Variants in ERC2 observed in about 807,000 individuals in gnomAD.
ERC2 encodes ELKS/RAB6-interacting/CAST family member 2, also known as ERC protein 2.
A neutral mutation model predicts 114.8 loss-of-function variants in ERC2; 42 were observed. The ratio of observed to expected loss-of-function variants is 0.37; its 90% CI spans 0.29 to 0.47. ERC2 has a LOEUF of 0.47. Among genes scored for constraint, ERC2 ranks in the 20% least tolerant of loss-of-function variants. The pLI is 0.99. For missense variants in ERC2, 939 were observed against 1,150.7 expected (o/e 0.82, Z 2.66); for synonymous variants, 454 against 425.5 (o/e 1.07, Z -0.82).
At chr3:55,848,765 C>A (rs2061463341) in intron 14 of ERC2, among the ~76,000 whole-genome samples, 1 of 152,182 alleles carries the variant, frequency 6.6e-6, no homozygotes, top group Non-Finnish European at 1.5e-5. Context: ...AGATTCAGAT[C>A]AAACTGAATC....
intron 1 of ERC2, among the ~76,000 whole-genome samples, chr3:56,460,602 G>A (rs1217800294): frequency 6.6e-6 from 1 of 152,110 alleles, no homozygotes; most frequent in African/African-American, 2.4e-5. Flanking sequence ...CTCAATAAAT[G>A]GTGCTCTTCA....
At chr3:56,436,757 T>C (rs1373801904) in intron 1 of ERC2, among the ~76,000 whole-genome samples, 1 of 152,218 alleles carries the variant, frequency 6.6e-6, no homozygotes, top group East Asian at 1.9e-4. Context: ...CTGGGAAAGA[T>C]AAGCTCTTCT....
At chr3:55,580,982 G>A (rs554258745) in intron 17 of ERC2, among the ~76,000 whole-genome samples, 1 of 152,262 alleles carries the variant, frequency 6.6e-6, no homozygotes, top group South Asian at 2.1e-4. Flanking sequence ...GTGAGGGAGT[G>A]AGCCAAGTAG....
intron 2 of ERC2, among the ~76,000 whole-genome samples, chr3:56,415,810 C>T (rs2061128856): frequency 6.6e-6 from 1 of 152,198 alleles, no homozygotes; most frequent in Non-Finnish European, 1.5e-5. Context: ...CAAATCACCC[C>T]ATCAGCAGCG....
At chr3:56,333,142 C>G (rs114737220) in intron 2 of ERC2, among the ~76,000 whole-genome samples, 20 of 152,200 alleles carry the variant, frequency 1.3e-4, no homozygotes, top group African/African-American at 4.8e-4. Flanking sequence ...AGAGACGGTC[C>G]ATTAATGTCT....
intron 8 of ERC2, among the ~76,000 whole-genome samples, chr3:56,014,653 G>C (rs1560025400): frequency 6.6e-6 from 1 of 151,692 alleles, no homozygotes; most frequent in Non-Finnish European, 1.5e-5. Flanking sequence ...ATTACTTTGG[G>C]ATTTAAGCTA....
At chr3:55,782,462 C>T (rs1024053340) in intron 14 of ERC2, among the ~76,000 whole-genome samples, 1 of 152,190 alleles carries the variant, frequency 6.6e-6, no homozygotes, top group Non-Finnish European at 1.5e-5. Context: ...CAGTACCCGT[C>T]TCTCCATTTC....
rs138006013 is a variant in ERC2, at chr3:55,712,727, T to G, written c.2713-13215A>C. The stretch of plus-strand genomic sequence containing the variant: ...CTCCCTGCCTCCTACACTCATATTT[T>G]GAGCTTTGTACCTGCAGTTGTACCC... On this transcript the variant is annotated intron_variant, in intron 15 of 17. Coordinates refer to ENST00000288221, the MANE Select transcript of ERC2 (RefSeq NM_015576.3). 4.1e-4 allele frequency among the ~76,000 whole-genome samples: 62 copies of G among 152,302 alleles called. 1 individual carries two copies. Among genetic ancestry groups the G allele is most frequent in the Admixed American group, 1.9e-3 (29 of 15,304 alleles).
rs1025890710 is a variant in ERC2, at chr3:56,024,348, G to A, written c.1642-5317C>T. Reference sequence around the variant, plus strand: ...TCTGTCCCACTCGTTCTCTTTGGCCGCAGCACCCAACTGTGTTGGCAATAC... The same window carrying A: ...TCTGTCCCACTCGTTCTCTTTGGCCACAGCACCCAACTGTGTTGGCAATAC... On this transcript the variant is annotated intron_variant, in intron 7 of 17. Transcript: ENST00000288221. Among the ~76,000 whole-genome samples the A allele has an allele frequency of 2.6e-5, 4 of 152,156 alleles. No individual in the cohort carries two copies. In the East Asian group the frequency reaches 5.8e-4, roughly 22 times the overall value.
chr3:55,892,013 A>T (rs541403640), intron 13 of ERC2, among the ~76,000 whole-genome samples: 1 of 152,272 alleles, frequency 6.6e-6, no homozygotes, highest in African/African-American at 2.4e-5. Flanking sequence ...CCATGGCATT[A>T]TTACGGTGTG....
At chr3:55,719,229 A>G (rs2064304711) in intron 15 of ERC2, among the ~76,000 whole-genome samples, 1 of 152,166 alleles carries the variant, frequency 6.6e-6, no homozygotes, top group Non-Finnish European at 1.5e-5. Flanking sequence ...GGATACAGAG[A>G]GCAGTCATGC....
intron 17 of ERC2, among the ~76,000 whole-genome samples, chr3:55,600,804 C>T (rs1216405044): frequency 6.6e-6 from 1 of 152,208 alleles, no homozygotes; most frequent in Admixed American, 6.5e-5. Context: ...CTGCGCCTCA[C>T]CTAGAGCCAT....
intron 2 of ERC2, among the ~76,000 whole-genome samples, chr3:56,362,746 G>C (rs2059006238): frequency 6.6e-6 from 1 of 152,204 alleles, no homozygotes; most frequent in Non-Finnish European, 1.5e-5. Context: ...AGAAATGACA[G>C]TGGGCTCTTC....
intron 6 of ERC2, among the ~76,000 whole-genome samples, chr3:56,135,355 T>G (rs1281369044): frequency 2.0e-5 from 3 of 152,174 alleles, no homozygotes; most frequent in East Asian, 1.9e-4. Context: ...GTGACTCAAT[T>G]GAAGTATAGA....
At chr3:55,992,997 C>T (rs1441171834) in intron 10 of ERC2, among the ~76,000 whole-genome samples, 2 of 152,122 alleles carry the variant, frequency 1.3e-5, no homozygotes, top group Non-Finnish European at 2.9e-5. Flanking sequence ...ACAGCAACAA[C>T]ATTGCAGAAT....
chr3:55,811,609 A>ATG (rs2059723766), intron 14 of ERC2, among the ~76,000 whole-genome samples: 1 of 152,166 alleles, frequency 6.6e-6, no homozygotes, highest in Non-Finnish European at 1.5e-5. Flanking sequence ...GCCTTTGCCT[A>ATG]TGTGGTTCCC....
intron 12 of ERC2, among the ~76,000 whole-genome samples, chr3:55,973,509 A>G (rs1338952264): frequency 1.3e-5 from 2 of 152,218 alleles, no homozygotes; most frequent in African/African-American, 4.8e-5. Context: ...AATTGTTTTT[A>G]TGATGCCATG....
At chr3:56,265,306 T>C (rs1457600656) in intron 3 of ERC2, among the ~76,000 whole-genome samples, 1 of 152,068 alleles carries the variant, frequency 6.6e-6, no homozygotes, top group African/African-American at 2.4e-5. Flanking sequence ...TCCAAGCATA[T>C]ATGGTCAACT....
At chr3:56,462,879 T>C (rs1359416431) in intron 1 of ERC2, among the ~76,000 whole-genome samples, 3 of 152,172 alleles carry the variant, frequency 2.0e-5, no homozygotes, top group African/African-American at 4.8e-5. Context: ...GTACTATGAA[T>C]GAACGATGTC....
Sources: allele counts gnomAD v4.1 joint callset (sites outside exome capture counted in the v4.1 genomes callset), GRCh38; gene constraint gnomAD v4.1.1; transcripts MANE v1.5; gene names NCBI Gene and HGNC (gene_info 2026-07-23, HGNC 2026-07-21).